TNS3: variants seen among roughly 807,000 people sequenced by gnomAD.
TNS3 encodes the protein tensin-3.
A neutral mutation model predicts 140.9 loss-of-function variants in TNS3; 45 were observed. That is an observed-to-expected ratio of 0.32 (90% CI 0.25 to 0.41). TNS3 has a LOEUF of 0.41. TNS3 is among the 10% of genes least tolerant of loss of function. The probability of loss-of-function intolerance (pLI) is 1.00; values close to 1 mark genes in which losing one functional copy is unlikely to be tolerated. For synonymous variants in TNS3, 815 were observed against 788.4 expected, an observed-to-expected ratio of 1.03 and a Z score of -0.56; for missense variants, 1,716 against 1,906.7, an observed-to-expected ratio of 0.90 and a Z score of 1.86.
chr7:47,393,762 G>T (rs967019352), intron 16 of TNS3, among the ~76,000 whole-genome samples: 1 of 152,162 alleles, frequency 6.6e-6, no homozygotes, highest in Non-Finnish European at 1.5e-5. Context: ...TGGCTGCAAA[G>T]TGTACCTGGC....
intron 16 of TNS3, among the ~76,000 whole-genome samples, chr7:47,381,998 A>C (rs1791792914): frequency 6.6e-6 from 1 of 152,210 alleles, no homozygotes; most frequent in African/African-American, 2.4e-5. Context: ...GTCTCTCCTG[A>C]GCACCGGGGT....
chr7:47,457,195 G>A (rs1458464424), intron 4 of TNS3, among the ~76,000 whole-genome samples: 17 of 124,666 alleles, frequency 1.4e-4, no homozygotes, highest in South Asian at 3.1e-4. Flanking sequence ...GGAGGGGAGG[G>A]GAGAGGCAAC....
intron 7 of TNS3, among the ~76,000 whole-genome samples, chr7:47,436,479 C>T (rs1208525639): frequency 1.3e-5 from 2 of 152,090 alleles, no homozygotes; most frequent in African/African-American, 4.8e-5. Context: ...ATACTTAATG[C>T]ATGAGGGGCC....
At chr7:47,513,949 A>G (rs186596090) in intron 2 of TNS3, among the ~76,000 whole-genome samples, 2 of 152,320 alleles carry the variant, frequency 1.3e-5, no homozygotes, top group Admixed American at 1.3e-4. Flanking sequence ...TGGCTTGCAA[A>G]CGCCCAACAT....
intron 2 of TNS3, among the ~76,000 whole-genome samples, chr7:47,511,877 C>T (rs1315418649): frequency 6.6e-6 from 1 of 152,238 alleles, no homozygotes; most frequent in African/African-American, 2.4e-5. Flanking sequence ...GCTGCACCTC[C>T]CCCTGCAGAA....
chr7:47,311,108 G>A (rs1359823482), intron 20 of TNS3, among the ~76,000 whole-genome samples: 1 of 152,210 alleles, frequency 6.6e-6, no homozygotes, highest in Non-Finnish European at 1.5e-5. Flanking sequence ...TGGGTCAATA[G>A]TATTTCTAGT....
intron 15 of TNS3, among the ~76,000 whole-genome samples, chr7:47,398,623 C>A (rs1792970112): frequency 6.6e-6 from 1 of 152,146 alleles, no homozygotes; most frequent in Non-Finnish European, 1.5e-5. Context: ...AATCTAGCAT[C>A]CCTTTATGAT....
chr7:47,506,864 G>A, intron 3 of TNS3, 43 bp downstream of exon 3: 2 of 1,277,656 alleles, frequency 1.6e-6, no homozygotes, highest in African/African-American at 1.5e-5. Context: ...TGAAGGCCAA[G>A]TCAGCTATAA....
chr7:47,522,400 C>G (rs1321472220), intron 2 of TNS3, among the ~76,000 whole-genome samples: 1 of 152,144 alleles, frequency 6.6e-6, no homozygotes, highest in Non-Finnish European at 1.5e-5. Context: ...TTCCGACCCC[C>G]CAGTACTCCT....
At chr7:47,389,050 A>AGTG (rs1491330909) in intron 16 of TNS3, among the ~76,000 whole-genome samples, 3 of 35,834 alleles carry the variant, frequency 8.4e-5, no homozygotes, top group African/African-American at 3.1e-4. Flanking sequence ...AAGAAGAAGA[A>AGTG]GAAGAAGAAG....
chr7:47,366,348 T>C (rs1562642961), intron 17 of TNS3, among the ~76,000 whole-genome samples: 2 of 152,088 alleles, frequency 1.3e-5, no homozygotes, highest in Non-Finnish European at 1.5e-5. Context: ...GCACATGACA[T>C]ACAAAGAGGG....
In TNS3 at chr7:47,369,464, G is replaced by C; in HGVS notation, c.1182C>G (p.Gly394=). ...CCGTCCTGGCAGAGGCTGTAGAGTGGCCGGAGTCACTGCTGACAGACAAGG... is the reference window on the plus strand; with the variant it reads ...CCGTCCTGGCAGAGGCTGTAGAGTGCCCGGAGTCACTGCTGACAGACAAGG... ...DHTLSVSSDS[G]HSTASARTDK... is the part of the protein sequence containing the mutation. Residue 394 remains glycine (G), a synonymous_variant, in exon 17 of 31, where the codon GGC becomes GGG. Transcript: ENST00000311160. The C allele has an allele frequency of 1.2e-6, 2 of 1,614,178 alleles. No individual in the cohort carries two copies. Among genetic ancestry groups the C allele is most frequent in the Non-Finnish European group, 1.7e-6 (2 of 1,180,036 alleles).
At chr7:47,341,771 TG>T (rs1450919694) in intron 20 of TNS3, among the ~76,000 whole-genome samples, 1 of 152,010 alleles carries the variant, frequency 6.6e-6, no homozygotes, top group Non-Finnish European at 1.5e-5. Flanking sequence ...GGGTCTAGTT[TG>T]TTCTCCTTTT....
intron 20 of TNS3, among the ~76,000 whole-genome samples, chr7:47,319,378 C>CGAGAGAGA (rs141689314): frequency 6.7e-6 from 1 of 149,428 alleles, no homozygotes; most frequent in Non-Finnish European, 1.5e-5. Context: ...GAGAGGAAGG[C>CGAGAGAGA]GAGAGAGAGA....
intron 13 of TNS3, among the ~76,000 whole-genome samples, chr7:47,401,278 T>C (rs1054186131): frequency 6.6e-6 from 1 of 152,156 alleles, no homozygotes; most frequent in Non-Finnish European, 1.5e-5. Flanking sequence ...ATCCGAAAAA[T>C]AGAATTCCAT....
intron 16 of TNS3, among the ~76,000 whole-genome samples, chr7:47,389,002 GGAAGAAGAA>G (rs1175410885): frequency 0.019 from 125 of 6,546 alleles, 5 homozygotes; most frequent in Non-Finnish European, 0.021. Flanking sequence ...AGAAGAAGAA[GGAAGAAGAA>G]GAAGAAGAAG....
At chr7:47,511,775 C>A (rs11973266) in intron 2 of TNS3, among the ~76,000 whole-genome samples, 4 of 152,026 alleles carry the variant, frequency 2.6e-5, no homozygotes, top group African/African-American at 9.7e-5. Flanking sequence ...GGAACCTCCC[C>A]CTCTGAGCAC....
intron 20 of TNS3, among the ~76,000 whole-genome samples, chr7:47,340,621 G>A (rs1404729537): frequency 1.3e-4 from 17 of 135,390 alleles, no homozygotes; most frequent in South Asian, 2.3e-4. Flanking sequence ...TCACACTGTC[G>A]CCCAGGCTGG....
At chr7:47,305,739 C>G (rs1786713246) in intron 20 of TNS3, among the ~76,000 whole-genome samples, 1 of 152,248 alleles carries the variant, frequency 6.6e-6, no homozygotes, top group Non-Finnish European at 1.5e-5. Flanking sequence ...TGCCCAGCAG[C>G]TGCATTATTT....
Sources: gnomAD v4.1 joint callset for allele counts (sites outside exome capture counted in the v4.1 genomes callset) on GRCh38, gnomAD v4.1.1 for gene constraint, MANE v1.5 for transcripts, NCBI Gene and HGNC (gene_info 2026-07-23, HGNC 2026-07-21) for gene names.